ZFAND3: variants seen among roughly 807,000 people sequenced by gnomAD.
ZFAND3 encodes the protein AN1-type zinc finger protein 3.
In ZFAND3, 10 loss-of-function variants were observed where a neutral mutation model predicts 29.6. The observed-to-expected ratio is 0.34, with a 90% CI of 0.21 to 0.57. The LOEUF (loss-of-function observed/expected upper bound fraction) is 0.57. Ranked by LOEUF, ZFAND3 falls within the 20% of genes least tolerant of loss-of-function variation. ZFAND3 has a pLI of 0.86. For synonymous variants in ZFAND3, 128 were observed against 112.6 expected, an observed-to-expected ratio of 1.14 and a Z score of -0.87; for missense variants, 230 against 304.5, an observed-to-expected ratio of 0.76 and a Z score of 1.82.
chr6:37,830,822 A>G (rs149749147), intron 1 of ZFAND3, among the ~76,000 whole-genome samples: 15 of 152,332 alleles, frequency 9.8e-5, no homozygotes, highest in Admixed American at 2.6e-4. Flanking sequence ...TAGAAAAACA[A>G]CTCACACAAG....
At chr6:37,926,539 C>T (rs1035311167) in intron 1 of ZFAND3, among the ~76,000 whole-genome samples, 19 of 152,218 alleles carry the variant, frequency 1.2e-4, no homozygotes, top group African/African-American at 4.3e-4. Flanking sequence ...CTTGTGATGT[C>T]ATTTAGGGTT....
chr6:37,912,569 G>A (rs976640137), intron 1 of ZFAND3, among the ~76,000 whole-genome samples: 3 of 152,146 alleles, frequency 2.0e-5, no homozygotes, highest in South Asian at 2.1e-4. Context: ...TAATGCTTTT[G>A]TAGTTGGTCC....
At chr6:38,074,393 A>C (rs1764513659) in intron 3 of ZFAND3, among the ~76,000 whole-genome samples, 1 of 152,230 alleles carries the variant, frequency 6.6e-6, no homozygotes, top group South Asian at 2.1e-4. Flanking sequence ...TTATAATTTC[A>C]TATGGGATAA....
At chr6:38,103,373 C>T (rs7449695) in intron 4 of ZFAND3, among the ~76,000 whole-genome samples, 1 of 143,546 alleles carries the variant, frequency 7.0e-6, no homozygotes, top group Admixed American at 7.0e-5. Context: ...TATATACACA[C>T]AATATATATA....
At chr6:38,147,536 T>C (rs1766135045) in intron 5 of ZFAND3, among the ~76,000 whole-genome samples, 1 of 152,226 alleles carries the variant, frequency 6.6e-6, no homozygotes, top group Non-Finnish European at 1.5e-5. Context: ...AAATGATAAT[T>C]CTTAGTTTTT....
chr6:37,859,810 GTT>G (rs199534339), intron 1 of ZFAND3, among the ~76,000 whole-genome samples: 1 of 143,108 alleles, frequency 7.0e-6, no homozygotes, highest in African/African-American at 2.5e-5. Context: ...TTTAAAAAGG[GTT>G]TTTTTTTTTC....
intron 2 of ZFAND3, among the ~76,000 whole-genome samples, chr6:38,037,739 C>T: frequency 6.6e-6 from 1 of 152,168 alleles, no homozygotes; most frequent in East Asian, 1.9e-4. Context: ...TTTAAAAAGG[C>T]TCACCTTTAT....
In ZFAND3 at chr6:38,090,950, A is replaced by C. The variant is rs1275964456; in HGVS notation, c.361+8493A>C. 3.3e-5 allele frequency among the ~76,000 whole-genome samples: 5 copies of C among 152,214 alleles called. No individual in the cohort carries two copies. The East Asian group carries it at 9.6e-4, about 29-fold the overall frequency. ...GCCACCTACGTTTGTGTTACAGCAC[A>C]ATGTATAATGTGTCAGTTTGCTATA... On this transcript the variant is annotated intron_variant, in intron 4 of 5. Coordinates refer to ENST00000287218, the MANE Select transcript of ZFAND3 (RefSeq NM_021943.3).
chr6:37,948,067 G>A (rs1469774546), intron 2 of ZFAND3, among the ~76,000 whole-genome samples: 1 of 152,154 alleles, frequency 6.6e-6, no homozygotes, highest in Admixed American at 6.5e-5. Context: ...AAAAGAAAGT[G>A]CATTCTGCTG....
intron 3 of ZFAND3, 38 bp from the exon 4 acceptor site, chr6:38,082,354 A>G (rs747615315): frequency 6.3e-7 from 1 of 1,585,426 alleles, no homozygotes; most frequent in Admixed American, 1.7e-5. Context: ...CATGTAAAGG[A>G]TGTGTCCTGA....
intron 3 of ZFAND3, among the ~76,000 whole-genome samples, chr6:38,078,142 C>G (rs1256654660): frequency 6.6e-6 from 1 of 152,172 alleles, no homozygotes; most frequent in East Asian, 1.9e-4. Context: ...ATTGCAAATG[C>G]TGTAACAATT....
At chr6:38,129,605 T>A (rs1765704667) in intron 5 of ZFAND3, among the ~76,000 whole-genome samples, 1 of 152,102 alleles carries the variant, frequency 6.6e-6, no homozygotes, top group Non-Finnish European at 1.5e-5. Flanking sequence ...TATGTTTTTG[T>A]TTTGTCAGAG....
At chr6:38,116,209 T>C (rs943004602) in intron 4 of ZFAND3, among the ~76,000 whole-genome samples, 1 of 152,120 alleles carries the variant, frequency 6.6e-6, no homozygotes, top group African/African-American at 2.4e-5. Context: ...ATCTAACCAA[T>C]ACAGGCAGTA....
At chr6:38,056,127 TAAGG>T (rs961175204) in intron 2 of ZFAND3, among the ~76,000 whole-genome samples, 4 of 152,344 alleles carry the variant, frequency 2.6e-5, no homozygotes, top group Non-Finnish European at 5.9e-5. Flanking sequence ...TGATATAACT[TAAGG>T]AAGCTCAATG....
At chr6:37,857,580 A>G (rs953976875) in intron 1 of ZFAND3, among the ~76,000 whole-genome samples, 1 of 152,240 alleles carries the variant, frequency 6.6e-6, no homozygotes, top group Non-Finnish European at 1.5e-5. Context: ...GATTTATGGA[A>G]CAAACTAAAC....
rs1766050208 is a variant in ZFAND3, at chr6:38,144,222, TATA to T, written c.530-8012_530-8010del. ...ATATATATATATATAATATATAATA[TATA>T]TATATATTTTTTTTTTAATAAGGTT... is the stretch of plus-strand genomic sequence containing the variant. On this transcript the variant is annotated intron_variant, in intron 5 of 5. Transcript: ENST00000287218. 2.8e-4 allele frequency among the ~76,000 whole-genome samples: 20 copies of T among 72,328 alleles called. 1 individual carries two copies. The highest frequency in any genetic ancestry group is 2.2e-3 in the Admixed American group (17 of 7,678). 47.4% of individuals were successfully genotyped at this position (72,328 alleles called of 152,430 possible). A position where few individuals can be genotyped will look rare whatever the true frequency, so the allele number is the denominator to read the frequency against.
chr6:37,828,610 C>T (rs1763800606), intron 1 of ZFAND3, among the ~76,000 whole-genome samples: 1 of 151,556 alleles, frequency 6.6e-6, no homozygotes, highest in South Asian at 2.1e-4. Context: ...TTTATGATTT[C>T]TTGGTTTCTG....
chr6:38,030,102 A>ATG (rs1763530035), intron 2 of ZFAND3, among the ~76,000 whole-genome samples: 1 of 97,312 alleles, frequency 1.0e-5, no homozygotes, highest in African/African-American at 3.9e-5. Flanking sequence ...ATATATATAT[A>ATG]GCCTGAGAAG....
At position 38,086,418 on chromosome 6, in the gene ZFAND3, C is replaced by T. The variant is rs7752980; in HGVS notation, c.361+3961C>T. Among the ~76,000 whole-genome samples, 593 of 152,220 alleles carry T rather than the reference C, an allele frequency of 3.9e-3. 5 individuals carry two copies. Among genetic ancestry groups the T allele is most frequent in the African/African-American group, 0.014 (573 of 41,540 alleles). On this transcript the variant is annotated intron_variant, in intron 4 of 5. Coordinates refer to ENST00000287218, the MANE Select transcript of ZFAND3 (RefSeq NM_021943.3). Reference sequence around the variant, plus strand: ...GTCAATGAAGAGTTGAAAAGTACTGCCAAGTCCTAGGTTGCTTTTGGTTAG... The same window carrying T: ...GTCAATGAAGAGTTGAAAAGTACTGTCAAGTCCTAGGTTGCTTTTGGTTAG...
Sources: gnomAD v4.1 joint callset for allele counts (sites outside exome capture counted in the v4.1 genomes callset) on GRCh38, gnomAD v4.1.1 for gene constraint, MANE v1.5 for transcripts, NCBI Gene and HGNC (gene_info 2026-07-23, HGNC 2026-07-21) for gene names.